The following DMTF1 variants were observed in gnomAD, a reference collection of about 807,000 sequenced individuals.
DMTF1 encodes cyclin D binding myb like transcription factor 1, also known as cyclin-D-binding Myb-like transcription factor 1.
DMTF1 carries 39 observed loss-of-function variants against 91.1 expected under a neutral mutation model. That is an observed-to-expected ratio of 0.43 (90% confidence interval 0.33 to 0.56). The LOEUF is 0.56. Ranked by LOEUF, DMTF1 falls within the 20% of genes least tolerant of loss-of-function variation. DMTF1 has a pLI of 0.05. For missense variants in DMTF1, 750 were observed against 914.5 expected (o/e 0.82, Z 2.32); for synonymous variants, 338 against 309.5 (o/e 1.09, Z -0.97).
chr7:87,183,281 C>A (rs139859769), intron 10 of DMTF1, among the ~76,000 whole-genome samples: 1 of 152,330 alleles, frequency 6.6e-6, no homozygotes, highest in African/African-American at 2.4e-5. Context: ...ATGAAAGAAG[C>A]AGGGCTGTAA....
Position 87,171,317 on chromosome 7 carries a change from A to G in DMTF1, c.327+228A>G, listed in dbSNP as rs189279801. 1.6e-3 allele frequency among the ~76,000 whole-genome samples: 249 copies of G among 152,328 alleles called. 1 individual carries two copies. Among genetic ancestry groups the G allele is most frequent in the African/African-American group, 5.7e-3 (236 of 41,568 alleles). On this transcript the variant is annotated intron_variant, in intron 5 of 17. Coordinates refer to ENST00000331242, the MANE Select transcript of DMTF1 (RefSeq NM_001142327.2). ...TTTAGCCTCTTGGTTTGTTATCACCATTTTAGTGAACAAAAAACTTTTCAT... is the reference window on the plus strand; with the variant it reads ...TTTAGCCTCTTGGTTTGTTATCACCGTTTTAGTGAACAAAAAACTTTTCAT...
At chr7:87,173,041 T>C (rs1795448845) in intron 5 of DMTF1, among the ~76,000 whole-genome samples, 2 of 152,238 alleles carry the variant, frequency 1.3e-5, no homozygotes, top group South Asian at 4.1e-4. Flanking sequence ...TATTTTAAGT[T>C]AAGAGATGAC....
intron 6 of DMTF1, 92 bp from the exon 7 acceptor site, chr7:87,174,501 C>A: frequency 1.2e-6 from 1 of 845,342 alleles, no homozygotes. Flanking sequence ...AATTTTATCC[C>A]CAAATATAAT....
chr7:87,194,882 CAG>C (rs767819023), intron 17 of DMTF1, 54 bp downstream of exon 17: 2 of 1,540,166 alleles, frequency 1.3e-6, no homozygotes, highest in East Asian at 2.3e-5. Flanking sequence ...TGGAAAAAAA[CAG>C]ACATTTAATT....
chr7:87,194,223 C>T (rs1247161986), intron 16 of DMTF1, 121 bp downstream of exon 16: 1 of 1,122,680 alleles, frequency 8.9e-7, no homozygotes, highest in East Asian at 2.5e-5. Context: ...TCACACCTCA[C>T]AAAGTGTTGT....
intron 13 of DMTF1, among the ~76,000 whole-genome samples, chr7:87,190,330 T>C (rs2129183568): frequency 6.6e-6 from 1 of 152,168 alleles, no homozygotes; most frequent in South Asian, 2.1e-4. Flanking sequence ...TGAACATTAG[T>C]TTATAAAGTA....
chr7:87,191,352 C>A (rs1799720697), intron 14 of DMTF1, among the ~76,000 whole-genome samples: 1 of 152,106 alleles, frequency 6.6e-6, no homozygotes, highest in Admixed American at 6.6e-5. Flanking sequence ...TAACAACATT[C>A]ATTCAGTAAA....
intron 15 of DMTF1, 101 bp downstream of exon 15, chr7:87,193,454 C>A: frequency 1.6e-6 from 2 of 1,226,336 alleles, no homozygotes; most frequent in Admixed American, 1.9e-5. Flanking sequence ...GTTCTTCCTA[C>A]TGCTGCTGTT....
intron 12 of DMTF1, chr7:87,186,811 G>A (rs1476035519): frequency 6.6e-6 from 1 of 152,136 alleles, no homozygotes; most frequent in African/African-American, 2.4e-5. Flanking sequence ...TCCCATGACA[G>A]AATCACCTAA....
chr7:87,166,097 A>G (rs1307686481), intron 3 of DMTF1, among the ~76,000 whole-genome samples: 2 of 152,138 alleles, frequency 1.3e-5, no homozygotes, highest in African/African-American at 4.8e-5. Context: ...TGCTTTCCTC[A>G]TAGTCTTACC....
intron 1 of DMTF1, among the ~76,000 whole-genome samples, chr7:87,160,818 C>G (rs985965017): frequency 2.0e-5 from 3 of 152,190 alleles, no homozygotes; most frequent in Admixed American, 2.0e-4. Context: ...TCCTGCATCT[C>G]TCTAGCTGGT....
intron 1 of DMTF1, among the ~76,000 whole-genome samples, chr7:87,162,619 C>CA (rs887659196): frequency 4.1e-4 from 62 of 152,022 alleles, no homozygotes; most frequent in African/African-American, 1.2e-3. Context: ...GTAGGTATTA[C>CA]AAAAAAGCCA....
intron 1 of DMTF1, among the ~76,000 whole-genome samples, chr7:87,159,060 A>G (rs546649808): frequency 6.6e-6 from 1 of 152,154 alleles, no homozygotes; most frequent in Admixed American, 6.5e-5. Flanking sequence ...AAATTTACAG[A>G]TGGTGGTTGA....
chr7:87,186,078 T>C lies in DMTF1; in HGVS notation c.1201+98T>C, dbSNP rs570527984. On this transcript the variant is annotated intron_variant, in intron 12 of 17. Coordinates refer to ENST00000331242, the MANE Select transcript of DMTF1 (RefSeq NM_001142327.2). ...AAGTTCTTTGCCCCAGCTAGAGATA[T>C]CATAGCAGATTTCTACTTACACCAC... is the stretch of plus-strand genomic sequence containing the variant. The C allele has an allele frequency of 2.2e-5, 29 of 1,319,160 alleles. No individual in the cohort carries two copies. In the African/African-American group the frequency reaches 3.4e-4, roughly 15 times the overall value. The allele number at this position is 1,319,160 out of a possible 1,614,324, so 81.7% of individuals were successfully genotyped here. A position where few individuals can be genotyped will look rare whatever the true frequency, so the allele number is the denominator to read the frequency against.
intron 1 of DMTF1, chr7:87,154,118 C>T (rs544767473): frequency 8.5e-5 from 13 of 152,158 alleles, no homozygotes; most frequent in African/African-American, 3.1e-4. Context: ...TTTAGAAATT[C>T]TGTTAAGATT....
intron 3 of DMTF1, among the ~76,000 whole-genome samples, chr7:87,165,938 A>G (rs758896625): frequency 1.3e-4 from 20 of 152,160 alleles, no homozygotes; most frequent in Admixed American, 1.3e-4. Context: ...AGGTAGCTCT[A>G]ATACCCTTTT....
intron 10 of DMTF1, among the ~76,000 whole-genome samples, 169 bp downstream of exon 10, chr7:87,182,506 T>C (rs1797576222): frequency 6.6e-6 from 1 of 152,120 alleles, no homozygotes; most frequent in South Asian, 2.1e-4. Flanking sequence ...ATCAAACTAA[T>C]CTTTTACTTT....
At chr7:87,185,704 A>T in intron 11 of DMTF1, 125 bp from the exon 12 acceptor site, 1 of 1,076,260 alleles carries the variant, frequency 9.3e-7, no homozygotes, top group Non-Finnish European at 1.4e-6. Context: ...GTAACTTAAC[A>T]ATAGCATCTC....
intron 14 of DMTF1, among the ~76,000 whole-genome samples, chr7:87,191,526 G>A (rs1411693269): frequency 1.3e-5 from 2 of 152,124 alleles, no homozygotes; most frequent in Non-Finnish European, 2.9e-5. Flanking sequence ...GTACATGAAT[G>A]TTCATGGCAT....
Sources: allele counts gnomAD v4.1 joint callset (sites outside exome capture counted in the v4.1 genomes callset), GRCh38; gene constraint gnomAD v4.1.1; transcripts MANE v1.5; gene names NCBI Gene and HGNC (gene_info 2026-07-23, HGNC 2026-07-21).